Variants in COL6A5 observed in about 807,000 individuals in gnomAD.
COL6A5 encodes collagen type VI alpha 5 chain, also known as collagen alpha-5(VI) chain.
A neutral mutation model predicts 65.6 loss-of-function variants in COL6A5; 48 were observed. That is an observed-to-expected ratio of 0.73 (90% CI 0.58 to 0.93). The LOEUF (loss-of-function observed/expected upper bound fraction) is 0.93, where lower values mean the gene tolerates loss of function less well. COL6A5 is among the 40% of genes least tolerant of loss of function. COL6A5 has a pLI of 0.00. For missense variants in COL6A5, 914 were observed against 928.3 expected (o/e 0.98, Z 0.20); for synonymous variants, 291 against 322.8 (o/e 0.90, Z 1.05).
chr3:130,440,836 A>C lies in COL6A5; in HGVS notation c.1241+11A>C. The C allele has an allele frequency of 6.3e-7, 1 of 1,592,786 alleles. No individual in the cohort carries two copies. Among genetic ancestry groups the C allele is most frequent in the Non-Finnish European group, 8.6e-7 (1 of 1,165,826 alleles). Reference sequence around the variant, plus strand: ...TATACTCGGTCAGGCGTAAGTTATTATTTCATTGTTTGTCTTTTTTTTAAT... The same window carrying C: ...TATACTCGGTCAGGCGTAAGTTATTCTTTCATTGTTTGTCTTTTTTTTAAT... On this transcript the variant is annotated intron_variant, in intron 3 of 7. Transcript: ENST00000512836.
intron 3 of COL6A5, among the ~76,000 whole-genome samples, chr3:130,378,049 G>T (rs2107639643): frequency 6.6e-6 from 1 of 152,244 alleles, no homozygotes; most frequent in East Asian, 1.9e-4. Context: ...TTCTTGGCAA[G>T]GTTGAGCTTA....
intron 1 of COL6A5, among the ~76,000 whole-genome samples, chr3:130,438,100 C>T (rs528499426): frequency 2.1e-4 from 32 of 152,118 alleles, no homozygotes; most frequent in African/African-American, 6.5e-4. Context: ...CTGGTTCAAG[C>T]GATTCTTCAG....
chr3:130,484,147 A>G, exon 8 of COL6A5: 1 of 1,215,632 alleles, frequency 8.2e-7, no homozygotes, highest in Middle Eastern at 1.9e-4. Flanking sequence ...TACTGTGGTA[A>G]ATGACAGGGA....
At chr3:130,476,920 A>T (rs1710114294) in intron 7 of COL6A5, 1 of 700,326 alleles carries the variant, frequency 1.4e-6, no homozygotes, top group Non-Finnish European at 2.6e-6. Context: ...ATATTTGGCC[A>T]GCCCTGCTCC....
intron 1 of COL6A5, among the ~76,000 whole-genome samples, chr3:130,362,682 AT>A (rs1935187014): frequency 6.6e-6 from 1 of 152,162 alleles, no homozygotes; most frequent in Admixed American, 6.5e-5. Context: ...GCTGACATTG[AT>A]TGGGATTGTG....
Position 130,401,823 on chromosome 3 carries a change from C to T in COL6A5, c.4196C>T (p.Pro1399Leu), listed in dbSNP as rs1377301263. The stretch of plus-strand genomic sequence containing the variant: ...TGCAAATGTCCAGGAATTCCAGGAC[C>T]TCATGGGACCCGAGGACTACAAGCC... The change falls in exon 12 of 42, where the codon CCT (proline) becomes CTT (leucine). Residue 1399 changes from proline (P) to leucine (L), a missense_variant and NMD_transcript_variant. Physicochemically the swap from Pro to Leu is moderately conservative, Grantham distance 98. Coordinates refer to the COL6A5 transcript ENST00000312481. 5 of 1,551,400 alleles carry T rather than the reference C, an allele frequency of 3.2e-6. No individual in the cohort carries two copies. In the Admixed American group the frequency reaches 9.8e-5, roughly 30 times the overall value.
intron 7 of COL6A5, 26 bp from the exon 41 acceptor site, chr3:130,484,008 AG>A (rs768321953): frequency 6.2e-7 from 1 of 1,601,138 alleles, no homozygotes; most frequent in Admixed American, 1.7e-5. Flanking sequence ...TGACATTAAA[AG>A]CAGTGAATAT....
chr3:130,447,059 T>C (rs186615582), intron 4 of COL6A5, among the ~76,000 whole-genome samples: 4 of 152,290 alleles, frequency 2.6e-5, no homozygotes, highest in Admixed American at 2.6e-4. Flanking sequence ...TTGTAAGCGA[T>C]TCCAGTAATA....
At chr3:130,436,840 C>G (rs984422238) in intron 1 of COL6A5, among the ~76,000 whole-genome samples, 1 of 152,132 alleles carries the variant, frequency 6.6e-6, no homozygotes, top group African/African-American at 2.4e-5. Context: ...GCCCTCTTCT[C>G]TATCCTTATG....
chr3:130,476,270 C>T (rs116329329), intron 7 of COL6A5, among the ~76,000 whole-genome samples: 74 of 152,130 alleles, frequency 4.9e-4, no homozygotes, highest in African/African-American at 1.6e-3. Flanking sequence ...ATAAGAGTAA[C>T]GGTTCCGTAA....
At chr3:130,428,544 G>A (rs1497305), upstream of COL6A5, among the ~76,000 whole-genome samples, 86,756 of 152,132 alleles carry the variant, frequency 0.57, 27,257 homozygotes, top group Non-Finnish European at 0.71. Flanking sequence ...TAAAGAAATT[G>A]TTCAAAAGAG....
chr3:130,417,149 T>C (rs1365071727), intron 24 of COL6A5, among the ~76,000 whole-genome samples: 1 of 152,080 alleles, frequency 6.6e-6, no homozygotes, highest in East Asian at 1.9e-4. Context: ...GTGTTCTCAT[T>C]GTTGAACTCC....
At chr3:130,476,271 G>C (rs147514932) in intron 7 of COL6A5, among the ~76,000 whole-genome samples, 1 of 151,954 alleles carries the variant, frequency 6.6e-6, no homozygotes, top group Non-Finnish European at 1.5e-5. Context: ...TAAGAGTAAC[G>C]GTTCCGTAAA....
chr3:130,404,731 G>T (rs1936928861), intron 13 of COL6A5, among the ~76,000 whole-genome samples: 1 of 152,192 alleles, frequency 6.6e-6, no homozygotes, highest in Non-Finnish European at 1.5e-5. Flanking sequence ...TCCTCCTTTT[G>T]CAGGGAATGA....
intron 24 of COL6A5, among the ~76,000 whole-genome samples, chr3:130,417,902 C>A (rs1937396732): frequency 6.6e-6 from 1 of 151,994 alleles, no homozygotes. Context: ...TTCCCATGGC[C>A]TCCAGGAAAT....
chr3:130,365,172 G>C (rs1427844602), intron 1 of COL6A5, among the ~76,000 whole-genome samples: 1 of 152,230 alleles, frequency 6.6e-6, no homozygotes, highest in Non-Finnish European at 1.5e-5. Context: ...GTGAGGTCAA[G>C]ATTTAAGCAA....
intron 7 of COL6A5, among the ~76,000 whole-genome samples, chr3:130,476,148 T>G (rs1289119205): frequency 6.6e-6 from 1 of 152,102 alleles, no homozygotes; most frequent in Non-Finnish European, 1.5e-5. Flanking sequence ...CCAAGCAAGG[T>G]GCCAGCCTAT....
At chr3:130,479,419 C>CAAAACA (rs10662504) in intron 7 of COL6A5, among the ~76,000 whole-genome samples, 150,149 of 151,342 alleles carry the variant, frequency 0.99, 74,488 homozygotes, top group East Asian at 1. Context: ...TTTTATCAGG[C>CAAAACA]AAAACAAAAA....
At chr3:130,371,264 A>T (rs1935544702) in intron 1 of COL6A5, among the ~76,000 whole-genome samples, 2 of 152,150 alleles carry the variant, frequency 1.3e-5, no homozygotes, top group African/African-American at 4.8e-5. Flanking sequence ...TACCTGTTCA[A>T]TGAAATTCCT....
Sources: gnomAD v4.1 joint callset for allele counts (sites outside exome capture counted in the v4.1 genomes callset) on GRCh38, gnomAD v4.1.1 for gene constraint, MANE v1.5 for transcripts, NCBI Gene and HGNC (gene_info 2026-07-23, HGNC 2026-07-21) for gene names.